UGT1A10: variants seen among roughly 807,000 people sequenced by gnomAD.
UGT1A10 encodes the protein UDP glucuronosyltransferase family 1 member A10.
In UGT1A10, 49 loss-of-function variants were observed where a neutral mutation model predicts 45.8. The observed-to-expected ratio is 1.07, with a 90% CI of 0.85 to 1.36. The LOEUF (loss-of-function observed/expected upper bound fraction) is 1.36. Among genes scored for constraint, UGT1A10 ranks in the 40% most tolerant of loss-of-function variants. The pLI is 0.00. For synonymous variants in UGT1A10, 284 were observed against 249.7 expected (o/e 1.14, Z -1.29); for missense variants, 745 against 668.6 (o/e 1.11, Z -1.26).
intron 1 of UGT1A10, among the ~76,000 whole-genome samples, chr2:233,661,890 A>C (rs2073978863): frequency 6.6e-6 from 1 of 152,002 alleles, no homozygotes; most frequent in Admixed American, 6.6e-5. Flanking sequence ...ATATGCACCA[A>C]ACATGACAAA....
Position 233,748,064 on chromosome 2 carries a change from G to T in UGT1A10, c.856-18970G>T, listed in dbSNP as rs867030809. On this transcript the variant is annotated intron_variant, in intron 1 of 4. Transcript: ENST00000344644. ...TTGGGGGCATCAACTGTGCCAACAG[G>T]AAGCCACTATCTCAGGTCGGTGTTC... 3.5e-5 allele frequency: 57 copies of T among 1,612,772 alleles called. 2 individuals carry two copies. In the African/African-American group the frequency reaches 5.8e-4, roughly 16 times the overall value.
chr2:233,742,782 C>G lies in UGT1A10; in HGVS notation c.856-24252C>G, dbSNP rs76952857. ...ATAATAAATGCATGTTGTTTTGAACCATCATTAAATTAAGCCAGAAGTATT... is the reference window on the plus strand; with the variant it reads ...ATAATAAATGCATGTTGTTTTGAACGATCATTAAATTAAGCCAGAAGTATT... On this transcript the variant is annotated intron_variant, in intron 1 of 4. Coordinates refer to ENST00000344644, the MANE Select transcript of UGT1A10 (RefSeq NM_019075.4). 2.0e-5 allele frequency: 3 copies of G among 152,908 alleles called. No individual in the cohort carries two copies. In the East Asian group the frequency reaches 5.8e-4, roughly 29 times the overall value. 9.5% of individuals were successfully genotyped at this position (152,908 alleles called of 1,614,324 possible). A position where few individuals can be genotyped will look rare whatever the true frequency, so the allele number is the denominator to read the frequency against.
intron 1 of UGT1A10, chr2:233,648,489 C>G (rs2073659241): frequency 1.9e-5 from 3 of 158,616 alleles, no homozygotes; most frequent in Admixed American, 6.5e-5. Context: ...GAGACGGAGT[C>G]TTGCTCTGTC....
intron 1 of UGT1A10, chr2:233,719,173 A>C: frequency 1.9e-6 from 3 of 1,614,262 alleles, no homozygotes; most frequent in Non-Finnish European, 2.5e-6. Flanking sequence ...GCAATTATGA[A>C]CAATGTATCT....
chr2:233,708,692 A>C (rs1281876444), intron 1 of UGT1A10: 3 of 152,284 alleles, frequency 2.0e-5, no homozygotes, highest in Non-Finnish European at 4.4e-5. Context: ...TCAAGGTTCC[A>C]GTGAGCTATG....
Position 233,673,230 on chromosome 2 carries a change from G to C in UGT1A10, c.855+35853G>C, listed in dbSNP as rs773619117. ...TTTGTTAAAATAAAATCTAGTATTG[G>C]GCTGGACATATTCTTCTTTTCTTTG... On this transcript the variant is annotated intron_variant, in intron 1 of 4. Transcript: ENST00000344644. Among the ~76,000 whole-genome samples the C allele has an allele frequency of 3.3e-5, 5 of 151,878 alleles. No individual in the cohort carries two copies. In the South Asian group the frequency reaches 6.2e-4, roughly 19 times the overall value.
chr2:233,640,244 T>C (rs2073415659), intron 1 of UGT1A10, among the ~76,000 whole-genome samples: 1 of 152,220 alleles, frequency 6.6e-6, no homozygotes, highest in South Asian at 2.1e-4. Context: ...AATGTGCACC[T>C]GTATATCAAT....
rs527779009 is a variant in UGT1A10 at position 233,754,984 on chromosome 2, G to T, written c.856-12050G>T. The T allele has an allele frequency of 3.9e-6, 5 of 1,295,396 alleles. No individual in the cohort carries two copies. In the African/African-American group the frequency reaches 6.0e-5, roughly 16 times the overall value. 80.2% of individuals were successfully genotyped at this position (1,295,396 alleles called of 1,614,324 possible). A position where few individuals can be genotyped will look rare whatever the true frequency, so the allele number is the denominator to read the frequency against. The stretch of plus-strand genomic sequence containing the variant: ...AAGAACTCCCTGAAGACCTCGGCGG[G>T]GTCACGGAAGCTGAAGACCTACTCG... On this transcript the variant is annotated intron_variant, in intron 1 of 4. Transcript: ENST00000344644.
intron 1 of UGT1A10, among the ~76,000 whole-genome samples, chr2:233,742,449 T>C (rs1691982228): frequency 6.6e-6 from 1 of 151,986 alleles, no homozygotes. Flanking sequence ...GGGCCAGGTG[T>C]TCCTTGCCCT....
chr2:233,671,195 G>A (rs183298272), intron 1 of UGT1A10, among the ~76,000 whole-genome samples: 109 of 152,310 alleles, frequency 7.2e-4, no homozygotes, highest in Middle Eastern at 3.4e-3. Flanking sequence ...CAAGTTGAGC[G>A]GTCACTGAGA....
At chr2:233,757,306 A>T (rs894592007) in intron 1 of UGT1A10, among the ~76,000 whole-genome samples, 3 of 7,676 alleles carry the variant, frequency 3.9e-4, no homozygotes, top group African/African-American at 1.0e-3. Context: ...GTTGGGGGAC[A>T]GGGGGGCTGG....
intron 1 of UGT1A10, among the ~76,000 whole-genome samples, chr2:233,721,033 A>G (rs1484813936): frequency 6.6e-6 from 1 of 152,106 alleles, no homozygotes; most frequent in Non-Finnish European, 1.5e-5. Flanking sequence ...TTCTTGTGAG[A>G]GAATTGAGCC....
intron 1 of UGT1A10, among the ~76,000 whole-genome samples, chr2:233,638,242 A>G (rs1056394707): frequency 6.6e-6 from 1 of 152,118 alleles, no homozygotes; most frequent in Non-Finnish European, 1.5e-5. Context: ...TAAGCATTTT[A>G]TGTTTGTTTT....
chr2:233,743,431 C>G (rs755334550), intron 1 of UGT1A10: 1 of 1,354,434 alleles, frequency 7.4e-7, no homozygotes, highest in East Asian at 4.7e-5. Flanking sequence ...GCCAAAGGAA[C>G]GAAATCCTGT....
chr2:233,653,886 C>T (rs1246856741), intron 1 of UGT1A10, among the ~76,000 whole-genome samples: 3 of 152,204 alleles, frequency 2.0e-5, no homozygotes. Context: ...CATGGGCCAC[C>T]ACGCCCGGCC....
At chr2:233,759,674 A>G (rs1462532515) in intron 1 of UGT1A10, among the ~76,000 whole-genome samples, 1 of 125,012 alleles carries the variant, frequency 8.0e-6, no homozygotes, top group Admixed American at 1.1e-4. Flanking sequence ...TCATGTGTTT[A>G]AATTGTGAGT....
Position 233,772,250 on chromosome 2 carries a change from CT to C in UGT1A10, c.1296-9del, listed in dbSNP as rs1325171114. 1.9e-6 allele frequency: 3 copies of C among 1,614,110 alleles called. No homozygotes were observed. Reference sequence around the variant, plus strand: ...GGTGTTCCAGGCATAACGAAACTGTCTTTGTGTTTAGTTACAAGGAGAACAT... The same window carrying C: ...GGTGTTCCAGGCATAACGAAACTGTCTTGTGTTTAGTTACAAGGAGAACAT... On this transcript the variant is annotated splice_polypyrimidine_tract_variant and intron_variant, in intron 4 of 4. Coordinates refer to ENST00000344644, the MANE Select transcript of UGT1A10 (RefSeq NM_019075.4).
chr2:233,646,741 C>A (rs1331924229), intron 1 of UGT1A10, among the ~76,000 whole-genome samples: 11 of 152,212 alleles, frequency 7.2e-5, no homozygotes, highest in Non-Finnish European at 4.4e-5. Context: ...TTGGGCAAAG[C>A]TATTCAACAA....
chr2:233,769,634 G>A lies in UGT1A10; in HGVS notation c.1295+1195G>A. 2 of 1,610,964 alleles carry A rather than the reference G, an allele frequency of 1.2e-6. No individual in the cohort carries two copies. The highest frequency in any genetic ancestry group is 1.1e-5 in the South Asian group (1 of 90,734). On this transcript the variant is annotated intron_variant, in intron 4 of 4. Transcript: ENST00000344644. The surrounding 1 kb of genome is among the most constrained non-coding windows in gnomAD (Gnocchi z 4.4). ...CCAGCTTGAGCAAGGGACAACAGGG[G>A]AGGACTGATGACTGACTTCCCACCT...
Sources: gnomAD v4.1 joint callset for allele counts (sites outside exome capture counted in the v4.1 genomes callset) on GRCh38, gnomAD v4.1.1 for gene constraint, Gnocchi (gnomAD v3.1) non-coding constraint, MANE v1.5 for transcripts, NCBI Gene and HGNC (gene_info 2026-07-23, HGNC 2026-07-21) for gene names.